PARP15: variants seen among roughly 807,000 people sequenced by gnomAD.
PARP15 encodes the protein protein mono-ADP-ribosyltransferase PARP15.
Under a neutral mutation model 62.1 loss-of-function variants are expected in PARP15, and 50 were observed. The observed-to-expected ratio is 0.81, with a 90% confidence interval of 0.64 to 1.02. The LOEUF is 1.02. Among genes scored for constraint, PARP15 ranks in the 50% least tolerant of loss-of-function variants. PARP15 has a pLI of 0.00. For synonymous variants in PARP15, 309 were observed against 293.1 expected (o/e 1.05, Z -0.55); for missense variants, 820 against 826.5 (o/e 0.99, Z 0.10).
intron 1 of PARP15, among the ~76,000 whole-genome samples, chr3:122,580,523 A>G (rs1006376413): frequency 3.3e-5 from 5 of 152,208 alleles, no homozygotes; most frequent in African/African-American, 7.2e-5. Context: ...TTTTAAGTAT[A>G]CAGTTCAGTA....
intron 1 of PARP15, among the ~76,000 whole-genome samples, chr3:122,584,253 T>A (rs1274263730): frequency 6.6e-6 from 1 of 152,222 alleles, no homozygotes; most frequent in Non-Finnish European, 1.5e-5. Flanking sequence ...CATGCTCATT[T>A]TATATATTAC....
At chr3:122,602,795 C>T (rs1934897934) in intron 1 of PARP15, among the ~76,000 whole-genome samples, 1 of 152,084 alleles carries the variant, frequency 6.6e-6, no homozygotes, top group Admixed American at 6.6e-5. Flanking sequence ...AAAATCAGAC[C>T]AATGTGATAA....
At chr3:122,607,233 G>A (rs1377567053) in intron 2 of PARP15, among the ~76,000 whole-genome samples, 1 of 152,224 alleles carries the variant, frequency 6.6e-6, no homozygotes, top group Non-Finnish European at 1.5e-5. Context: ...TTATGAGAGT[G>A]ATTGGTGAGT....
chr3:122,594,964 T>G, intron 1 of PARP15: 1 of 749,064 alleles, frequency 1.3e-6, no homozygotes, highest in Non-Finnish European at 1.6e-6. Flanking sequence ...TCAGCCCTGG[T>G]TGAGTTTTCT....
chr3:122,615,342 A>C, intron 4 of PARP15: 1 of 1,291,848 alleles, frequency 7.7e-7, no homozygotes, highest in Non-Finnish European at 1.0e-6. Flanking sequence ...TTGTTAATCA[A>C]CCCCAGAATG....
intron 1 of PARP15, among the ~76,000 whole-genome samples, chr3:122,593,090 G>GTCTA (rs3052715): frequency 0.077 from 11,389 of 147,816 alleles, 634 homozygotes; most frequent in African/African-American, 0.14. Context: ...AAAATTATCT[G>GTCTA]TCTATCTATC....
chr3:122,589,695 C>A (rs572542361), intron 1 of PARP15, among the ~76,000 whole-genome samples: 73 of 152,182 alleles, frequency 4.8e-4, no homozygotes, highest in African/African-American at 1.7e-3. Flanking sequence ...AATGTCTATT[C>A]AAATCCTTTG....
Position 122,626,943 on chromosome 3 carries a change from C to A in PARP15, c.1348C>A (p.Pro450Thr). 6.2e-7 allele frequency: 1 copy of A among 1,614,030 alleles called. No individual in the cohort carries two copies. Among genetic ancestry groups the A allele is most frequent in the Non-Finnish European group, 8.5e-7 (1 of 1,179,944 alleles). ...LKTVKVVIFQ[P>T]ELLNIFYDSM... is the part of the protein sequence containing the mutation. The stretch of plus-strand genomic sequence containing the variant: ...AACAGTTAAAGTTGTCATTTTTCAA[C>A]CTGAGCTGCTAAATATATTCTACGA... Residue 450 changes from proline to threonine, a missense_variant, in exon 9 of 12, where the codon CCT becomes ACT. Transcript: ENST00000464300.
chr3:122,582,631 C>A (rs770621829), intron 1 of PARP15, among the ~76,000 whole-genome samples: 2 of 152,110 alleles, frequency 1.3e-5, no homozygotes, highest in Non-Finnish European at 2.9e-5. Flanking sequence ...CTCCTTATCA[C>A]TGGTTTTAAT....
intron 4 of PARP15, among the ~76,000 whole-genome samples, chr3:122,613,649 G>C (rs1338272480): frequency 2.6e-5 from 4 of 152,136 alleles, no homozygotes; most frequent in Non-Finnish European, 5.9e-5. Flanking sequence ...ACACAAGTCT[G>C]TGAGTGTCTA....
intron 1 of PARP15, among the ~76,000 whole-genome samples, chr3:122,592,073 G>C (rs13079281): frequency 6.6e-6 from 1 of 152,026 alleles, no homozygotes; most frequent in Non-Finnish European, 1.5e-5. Context: ...CATTTGACCT[G>C]GCAATCCCAT....
chr3:122,593,870 CTCAG>C (rs971788530), intron 1 of PARP15, among the ~76,000 whole-genome samples: 9 of 152,130 alleles, frequency 5.9e-5, no homozygotes, highest in African/African-American at 2.2e-4. Flanking sequence ...CTTTCTAACA[CTCAG>C]TAAGAGAGAA....
At chr3:122,615,478 G>A in intron 4 of PARP15, 1 of 1,213,340 alleles carries the variant, frequency 8.2e-7, no homozygotes, top group Non-Finnish European at 1.1e-6. Flanking sequence ...AAAGAGGAGG[G>A]ATAACGATAG....
chr3:122,585,742 T>C (rs1310650838), intron 1 of PARP15, among the ~76,000 whole-genome samples: 2 of 152,224 alleles, frequency 1.3e-5, no homozygotes, highest in African/African-American at 4.8e-5. Context: ...GATAGAAGAC[T>C]GTTTTGATTT....
At chr3:122,608,271 A>G (rs1285701320) in intron 2 of PARP15, among the ~76,000 whole-genome samples, 1 of 137,270 alleles carries the variant, frequency 7.3e-6, no homozygotes, top group Non-Finnish European at 1.5e-5. Flanking sequence ...GGCTGGATAC[A>G]GTGGTGTGAT....
chr3:122,585,086 C>G (rs146406045), intron 1 of PARP15, among the ~76,000 whole-genome samples: 1 of 152,276 alleles, frequency 6.6e-6, no homozygotes, highest in African/African-American at 2.4e-5. Context: ...ATTGATCTCT[C>G]TGAAGTGCCC....
At chr3:122,578,674 T>G (rs1455692018) in intron 1 of PARP15, among the ~76,000 whole-genome samples, 1 of 152,206 alleles carries the variant, frequency 6.6e-6, no homozygotes, top group Non-Finnish European at 1.5e-5. Flanking sequence ...TTGTCACTAT[T>G]TTCCTAGCTA....
At chr3:122,613,303 A>G in intron 4 of PARP15, 35 bp downstream of exon 4, 1 of 1,452,828 alleles carries the variant, frequency 6.9e-7, no homozygotes, top group Non-Finnish European at 9.5e-7. Flanking sequence ...TAATTCTGGC[A>G]AGTGAACCCA....
intron 8 of PARP15, among the ~76,000 whole-genome samples, chr3:122,623,545 C>CA (rs1266832594): frequency 2.0e-5 from 3 of 152,216 alleles, no homozygotes; most frequent in African/African-American, 7.2e-5. Flanking sequence ...AGGGAAAGGG[C>CA]AGAAAAGTCA....
Sources: allele counts gnomAD v4.1 joint callset (sites outside exome capture counted in the v4.1 genomes callset), GRCh38; gene constraint gnomAD v4.1.1; transcripts MANE v1.5; gene names NCBI Gene and HGNC (gene_info 2026-07-23, HGNC 2026-07-21).